Variants in TRIOBP observed in about 807,000 individuals in gnomAD.
The protein encoded by TRIOBP is TRIO and F-actin-binding protein.
A neutral mutation model predicts 238.8 loss-of-function variants in TRIOBP; 169 were observed. The ratio of observed to expected loss-of-function variants is 0.71; its 90% CI spans 0.62 to 0.80. The LOEUF (loss-of-function observed/expected upper bound fraction) is 0.80, where lower values mean the gene tolerates loss of function less well. Among genes scored for constraint, TRIOBP ranks in the 30% least tolerant of loss-of-function variants. The probability of loss-of-function intolerance (pLI) is 0.00; values close to 1 mark genes in which losing one functional copy is unlikely to be tolerated. For synonymous variants in TRIOBP, 1,150 were observed against 1,274.4 expected (o/e 0.90, Z 2.08); for missense variants, 2,838 against 3,122.6 (o/e 0.91, Z 2.17).
rs1926028994 is a variant in TRIOBP, at chr22:37,757,952, C to T, written c.6027C>T (p.Gly2009=). The T allele has an allele frequency of 6.4e-7, 1 of 1,565,534 alleles. No homozygotes were observed. Among genetic ancestry groups the T allele is most frequent in the Non-Finnish European group, 8.7e-7 (1 of 1,156,036 alleles). ...EVPAGEGPRR[G]LGAPLTEDQQ... is the part of the protein sequence containing the mutation. ...CTGCTGGTGAGGGGCCGCGCCGGGG[C>T]CTGGGTGCCCCCCTGACTGAGGACC... The change falls in exon 16 of 24, where the codon GGC becomes GGT. Residue 2009 remains glycine (G), a synonymous_variant. Coordinates refer to ENST00000644935, the MANE Select transcript of TRIOBP (RefSeq NM_001039141.3).
chr22:37,739,440 C>A (rs1924834833), intron 10 of TRIOBP, among the ~76,000 whole-genome samples: 1 of 152,134 alleles, frequency 6.6e-6, no homozygotes. Flanking sequence ...GCATAGCGCC[C>A]CCCAAGTAGG....
intron 5 of TRIOBP, 73 bp downstream of exon 5, chr22:37,713,484 A>G (rs1923363472): frequency 6.4e-7 from 1 of 1,555,306 alleles, no homozygotes; most frequent in Non-Finnish European, 8.8e-7. Context: ...TCCCACCTAA[A>G]CCTCCAGGCC....
intron 6 of TRIOBP, among the ~76,000 whole-genome samples, chr22:37,717,194 G>A (rs1054932610): frequency 3.3e-5 from 5 of 152,130 alleles, no homozygotes; most frequent in Non-Finnish European, 5.9e-5. Context: ...AGACGCGTCC[G>A]CAGTTGTTCT....
Position 37,724,643 on chromosome 22 carries a change from C to A in TRIOBP, c.2087C>A (p.Pro696His). 4.3e-6 allele frequency: 7 copies of A among 1,610,094 alleles called. No individual in the cohort carries two copies. The South Asian group carries it at 7.7e-5, about 18-fold the overall frequency. The change falls in exon 7 of 24, where the codon CCC (proline) becomes CAC (histidine). Residue 696 changes from proline (P) to histidine (H), a missense_variant. Physicochemically the swap from Pro to His is moderately conservative, Grantham distance 77. Around this residue, in one of 5 missense-constraint regions of TRIOBP, gnomAD observed 167 missense variants for 200.2 expected, o/e 0.83. Transcript: ENST00000644935. Reference protein sequence around the residue: ...SPSRTIQQENPRTSCAQRDDP... With the variant: ...SPSRTIQQENHRTSCAQRDDP... Reference sequence around the variant, plus strand: ...AGCAGAACCATCCAACAAGAGAACCCCAGAACATCCTGTGCCCAACGGGAC... The same window carrying A: ...AGCAGAACCATCCAACAAGAGAACCACAGAACATCCTGTGCCCAACGGGAC...
chr22:37,771,453 G>A (rs756559882), intron 21 of TRIOBP, among the ~76,000 whole-genome samples, 197 bp from the exon 22 acceptor site: 30 of 152,280 alleles, frequency 2.0e-4, no homozygotes, highest in Admixed American at 1.3e-3. Context: ...GGACAGGGGT[G>A]AGAGTAAGGG....
Position 37,735,011 on chromosome 22 carries a change from T to C in TRIOBP, c.4675T>C (p.Trp1559Arg), listed in dbSNP as rs760835420. 2 of 1,612,194 alleles carry C rather than the reference T, an allele frequency of 1.2e-6. No homozygotes were observed. The highest frequency in any genetic ancestry group is 1.7e-6 in the Non-Finnish European group (2 of 1,179,024). ...RGSERRPELD[W>R]RDLLGLLRAP... ...CTCTGAGAGGCGACCCGAGCTTGAC[T>C]GGAGGGATCTGCTTGGCCTTCTCCG... The change falls in exon 9 of 24, where the codon TGG (tryptophan) becomes CGG (arginine). Residue 1559 changes from tryptophan (W) to arginine (R), a missense_variant. Trp to Arg is a moderately radical substitution (Grantham distance 101). Around this residue, in one of 5 missense-constraint regions of TRIOBP, gnomAD observed 2,096 missense variants for 2,137.4 expected, o/e 0.98. Transcript: ENST00000644935.
chr22:37,740,324 G>A (rs577557079), intron 10 of TRIOBP, among the ~76,000 whole-genome samples: 1 of 152,172 alleles, frequency 6.6e-6, no homozygotes, highest in African/African-American at 2.4e-5. Flanking sequence ...GAGCATTTGG[G>A]GGCTCTGCTA....
At chr22:37,718,194 G>C (rs1271911854) in intron 6 of TRIOBP, among the ~76,000 whole-genome samples, 1 of 152,222 alleles carries the variant, frequency 6.6e-6, no homozygotes, top group South Asian at 2.1e-4. Flanking sequence ...AGCGCCGCGC[G>C]CAGCCTCGGT....
rs377713352 is a variant in TRIOBP at position 37,759,678 on chromosome 22, C to G, written c.6324+414C>G. ...CCTGCCGAGGCCCACTGGGCCAAGG[C>G]CCCACACAAGGAGGTCTGCAGGACA... On this transcript the variant is annotated intron_variant, in intron 17 of 23. Coordinates refer to ENST00000644935, the MANE Select transcript of TRIOBP (RefSeq NM_001039141.3). The G allele has an allele frequency of 7.1e-5, 108 of 1,520,452 alleles. No individual in the cohort carries two copies. The African/African-American group carries it at 1.2e-3, about 17-fold the overall frequency. The allele number at this position is 1,520,452 out of a possible 1,614,324, so 94.2% of individuals were successfully genotyped here.
intron 6 of TRIOBP, among the ~76,000 whole-genome samples, chr22:37,718,008 C>T (rs1459820731): frequency 1.3e-5 from 2 of 152,204 alleles, no homozygotes; most frequent in Non-Finnish European, 2.9e-5. Context: ...TAAGGCCCGG[C>T]GAGAAATCCA....
At chr22:37,755,303 T>G in intron 14 of TRIOBP, 113 bp downstream of exon 14, 1 of 1,155,730 alleles carries the variant, frequency 8.7e-7, no homozygotes, top group Non-Finnish European at 1.3e-6. Flanking sequence ...CTTCACTCAT[T>G]TACCCAGAGG....
intron 18 of TRIOBP, among the ~76,000 whole-genome samples, chr22:37,767,370 T>C (rs1324295689): frequency 6.6e-6 from 1 of 151,624 alleles, no homozygotes; most frequent in Non-Finnish European, 1.5e-5. Flanking sequence ...ATTTTAGAAT[T>C]GTGGGTAAAA....
intron 20 of TRIOBP, 28 bp downstream of exon 20, chr22:37,769,215 AC>A (rs775684617): frequency 3.8e-6 from 6 of 1,591,662 alleles, no homozygotes; most frequent in Middle Eastern, 1.7e-4. Context: ...TTGGGGGGAC[AC>A]GGGTGGGTCC....
intron 11 of TRIOBP, chr22:37,746,254 G>A (rs777905449): frequency 1.1e-5 from 12 of 1,088,692 alleles, no homozygotes; most frequent in Admixed American, 5.1e-5. Context: ...GGATGGAAGG[G>A]GCCGGGGCAG....
chr22:37,757,684 A>C lies in TRIOBP; in HGVS notation c.5759A>C (p.Glu1920Ala). 6.3e-7 allele frequency: 1 copy of C among 1,587,782 alleles called. No homozygotes were observed. Among genetic ancestry groups the C allele is most frequent in the Non-Finnish European group, 8.6e-7 (1 of 1,168,402 alleles). ...STQKGPLKAGEQRAGSEVISR... is the reference protein window; with the variant it reads ...STQKGPLKAGAQRAGSEVISR... ...CAGAAGGGCCCCCTGAAGGCAGGGGAGCAGCGGGCGGGCTCTGAGGTCATC... is the reference window on the plus strand; with the variant it reads ...CAGAAGGGCCCCCTGAAGGCAGGGGCGCAGCGGGCGGGCTCTGAGGTCATC... The change falls in exon 16 of 24, where the codon GAG (glutamate) becomes GCG (alanine). Residue 1920 changes from glutamate to alanine, a missense_variant. By Grantham distance (107) the Glu-to-Ala change is moderately radical. Around this residue, in one of 5 missense-constraint regions of TRIOBP, gnomAD observed 2,096 missense variants for 2,137.4 expected, o/e 0.98. Transcript: ENST00000644935.
At chr22:37,755,879 TGGA>T (rs1465780638) in intron 15 of TRIOBP, among the ~76,000 whole-genome samples, 24 of 152,178 alleles carry the variant, frequency 1.6e-4, no homozygotes, top group Non-Finnish European at 2.9e-4. Context: ...CTCTTCTCTT[TGGA>T]GGAGATGCCT....
intron 6 of TRIOBP, among the ~76,000 whole-genome samples, chr22:37,721,141 T>A (rs530215743): frequency 2.0e-5 from 3 of 152,070 alleles, no homozygotes; most frequent in Admixed American, 6.6e-5. Context: ...AGTGCTGGGA[T>A]TACAGGCATC....
intron 3 of TRIOBP, among the ~76,000 whole-genome samples, chr22:37,703,058 C>T (rs532906250): frequency 2.0e-5 from 3 of 151,726 alleles, no homozygotes; most frequent in African/African-American, 7.3e-5. Flanking sequence ...TTCAGTGGCT[C>T]AATCTCAGCT....
intron 7 of TRIOBP, among the ~76,000 whole-genome samples, chr22:37,730,797 AT>A (rs1461566084): frequency 2.0e-5 from 3 of 151,988 alleles, no homozygotes; most frequent in African/African-American, 7.3e-5. Context: ...AAATATAAAA[AT>A]TAGCTGGGCA....
Sources: allele counts gnomAD v4.1 joint callset (sites outside exome capture counted in the v4.1 genomes callset), GRCh38; gene constraint gnomAD v4.1.1; regional missense constraint gnomAD v4.1.1; transcripts MANE v1.5; gene names NCBI Gene and HGNC (gene_info 2026-07-23, HGNC 2026-07-21).